Variants in ERICH6 observed in about 807,000 individuals in gnomAD.
The protein encoded by ERICH6 is glutamate-rich protein 6.
ERICH6 carries 71 observed loss-of-function variants against 71.0 expected under a neutral mutation model. That is an observed-to-expected ratio of 1.00 (90% CI 0.83 to 1.22). The LOEUF (loss-of-function observed/expected upper bound fraction) is 1.22. Ranked by LOEUF, ERICH6 falls within the 50% of genes most tolerant of loss-of-function variation. The pLI, the probability that ERICH6 is intolerant of heterozygous loss-of-function variation, is 0.00. For missense variants in ERICH6, 808 were observed against 797.2 expected, an observed-to-expected ratio of 1.01 and a Z score of -0.16; for synonymous variants, 262 against 278.4, an observed-to-expected ratio of 0.94 and a Z score of 0.59.
Position 150,680,884 on chromosome 3 carries a change from T to A in ERICH6, c.929A>T (p.Glu310Val), listed in dbSNP as rs776085189. The A allele has an allele frequency of 6.2e-7, 1 of 1,613,518 alleles. No individual in the cohort carries two copies. Among genetic ancestry groups the A allele is most frequent in the South Asian group, 1.1e-5 (1 of 91,022 alleles). ...AFQNLIDYIY[E>V]EQIKTKPPKA... ...AGGGGGTTTGGTTTTTATTTGCTCC[T>A]CATAGATATAGTCAATCAGATTTTG... The change falls in exon 8 of 14, where the codon GAG becomes GTG. Residue 310 changes from glutamate to valine, a missense_variant. Glu to Val is a moderately radical substitution (Grantham distance 121). Coordinates refer to ENST00000295910, the MANE Select transcript of ERICH6 (RefSeq NM_152394.5).
In ERICH6 at chr3:150,685,972, C is replaced by A; in HGVS notation, c.660G>T (p.Glu220Asp). The A allele has an allele frequency of 6.2e-7, 1 of 1,604,516 alleles. No individual in the cohort carries two copies. The highest frequency in any genetic ancestry group is 8.5e-7 in the Non-Finnish European group (1 of 1,171,216). ...TATGATAAACATTTCTTACCTCCAGCTCATATAAAATATTTAGTTTCGACT... is the reference window on the plus strand; with the variant it reads ...TATGATAAACATTTCTTACCTCCAGATCATATAAAATATTTAGTTTCGACT... ...PEESKLNILY[E>D]LEFKEDFITL... Residue 220 changes from glutamate (E) to aspartate (D), a missense_variant, in exon 5 of 14, where the codon GAG (glutamate) becomes GAT (aspartate). Around this residue, in one of 3 missense-constraint regions of ERICH6, gnomAD observed 736 missense variants for 712.2 expected, o/e 1.03. Transcript: ENST00000295910.
chr3:150,694,191 C>T (rs1232431450), intron 3 of ERICH6, among the ~76,000 whole-genome samples: 1 of 152,002 alleles, frequency 6.6e-6, no homozygotes, highest in African/African-American at 2.4e-5. Flanking sequence ...TCAGAAACAA[C>T]CTGAGACCAG....
chr3:150,689,727 G>A (rs1322997043), intron 3 of ERICH6, among the ~76,000 whole-genome samples: 2 of 151,918 alleles, frequency 1.3e-5, no homozygotes, highest in African/African-American at 4.8e-5. Flanking sequence ...TACTTCTGCT[G>A]TCTCTCCTTT....
At chr3:150,674,919 G>A (rs1415378295) in intron 10 of ERICH6, among the ~76,000 whole-genome samples, 1 of 151,978 alleles carries the variant, frequency 6.6e-6, no homozygotes, top group Non-Finnish European at 1.5e-5. Flanking sequence ...GATCACCTGA[G>A]GTCAGAAGTT....
At chr3:150,674,237 T>C (rs546815787) in intron 10 of ERICH6, among the ~76,000 whole-genome samples, 196 bp from the exon 11 acceptor site, 1 of 152,150 alleles carries the variant, frequency 6.6e-6, no homozygotes, top group East Asian at 1.9e-4. Context: ...AAGTATAACT[T>C]GATAAAAATC....
chr3:150,691,098 T>A lies in ERICH6; in HGVS notation c.554-4744A>T, dbSNP rs577268362. 3.1e-4 allele frequency among the ~76,000 whole-genome samples: 47 copies of A among 152,314 alleles called. 1 individual carries two copies. The highest frequency in any genetic ancestry group is 1.1e-3 in the African/African-American group (47 of 41,580). On this transcript the variant is annotated intron_variant, in intron 3 of 13. Transcript: ENST00000295910. Reference sequence around the variant, plus strand: ...TAAAAGCAAGATGGAATCAGTTGGGTCAAATCTTTTTCACTGTCTCAGTTA... The same window carrying A: ...TAAAAGCAAGATGGAATCAGTTGGGACAAATCTTTTTCACTGTCTCAGTTA...
At chr3:150,685,032 T>A (rs865919036) in intron 6 of ERICH6, among the ~76,000 whole-genome samples, 16 of 151,984 alleles carry the variant, frequency 1.1e-4, no homozygotes, top group Admixed American at 2.0e-4. Context: ...ATAATTTTTT[T>A]AAAAAAGACA....
intron 6 of ERICH6, among the ~76,000 whole-genome samples, chr3:150,683,405 G>A (rs1318266233): frequency 6.6e-6 from 1 of 152,118 alleles, no homozygotes; most frequent in Admixed American, 6.5e-5. Context: ...ACTTGGTTGT[G>A]AACTTCTCAG....
At chr3:150,688,239 A>G (rs1396199704) in intron 3 of ERICH6, among the ~76,000 whole-genome samples, 1 of 152,230 alleles carries the variant, frequency 6.6e-6, no homozygotes, top group Non-Finnish European at 1.5e-5. Context: ...ATCTTTCTCT[A>G]TAGAAATGCC....
chr3:150,694,313 G>A (rs1179381918), intron 3 of ERICH6, among the ~76,000 whole-genome samples: 1 of 152,042 alleles, frequency 6.6e-6, no homozygotes, highest in Non-Finnish European at 1.5e-5. Context: ...AGAAAAGGGA[G>A]AAGAAATGTG....
rs974714600 is a variant in ERICH6, at chr3:150,673,214, G to A, written c.1343+742C>T. ...TTCCTCTCTCTTTCTTTCTTTCTTG[G>A]TCTTGCTCTGTCATTTAGGCTGGAG... On this transcript the variant is annotated intron_variant, in intron 11 of 13. Transcript: ENST00000295910. 4.3e-5 allele frequency among the ~76,000 whole-genome samples: 6 copies of A among 139,126 alleles called. No individual in the cohort carries two copies. In the Admixed American group the frequency reaches 4.7e-4, roughly 11 times the overall value. The allele number at this position is 139,126 out of a possible 152,430, so 91.3% of individuals were successfully genotyped here.
chr3:150,686,250 T>C (rs1391807007), intron 4 of ERICH6, 48 bp downstream of exon 4: 10 of 1,580,750 alleles, frequency 6.3e-6, no homozygotes, highest in Non-Finnish European at 7.8e-6. Flanking sequence ...TCCCTTCTGG[T>C]AGTTTACCTT....
chr3:150,695,709 A>G (rs1276776797), intron 3 of ERICH6, among the ~76,000 whole-genome samples: 1 of 151,690 alleles, frequency 6.6e-6, no homozygotes, highest in African/African-American at 2.4e-5. Context: ...GGCTACATCA[A>G]TGAAAGACTA....
chr3:150,670,682 G>A (rs1371060763), intron 11 of ERICH6, among the ~76,000 whole-genome samples: 1 of 152,072 alleles, frequency 6.6e-6, no homozygotes, highest in Non-Finnish European at 1.5e-5. Flanking sequence ...TAAGCTACAA[G>A]ATCAATATAC....
chr3:150,669,238 A>T (rs1281424687), intron 12 of ERICH6, 58 bp downstream of exon 12: 8 of 1,519,726 alleles, frequency 5.3e-6, no homozygotes, highest in Non-Finnish European at 6.2e-6. Context: ...AAAAGAAAAA[A>T]CAAAATTTCC....
chr3:150,662,498 T>C (rs965131751), intron 13 of ERICH6, among the ~76,000 whole-genome samples: 1 of 152,162 alleles, frequency 6.6e-6, no homozygotes, highest in Admixed American at 6.5e-5. Flanking sequence ...TGGTTAAATA[T>C]ACATGGAACA....
intron 13 of ERICH6, among the ~76,000 whole-genome samples, chr3:150,665,361 T>C (rs927316939): frequency 2.0e-5 from 3 of 151,758 alleles, no homozygotes; most frequent in African/African-American, 7.3e-5. Context: ...CCTTTAAAAA[T>C]CAATGAAACA....
rs567003115 is a variant in ERICH6 at position 150,668,550 on chromosome 3, T to C, written c.1499+746A>G. On this transcript the variant is annotated intron_variant, in intron 12 of 13. Transcript: ENST00000295910. Reference sequence around the variant, plus strand: ...GGTGGTAATGAATTGACTACTGCTGTGGACGAAAAACACAAATAGCTCGGT... The same window carrying C: ...GGTGGTAATGAATTGACTACTGCTGCGGACGAAAAACACAAATAGCTCGGT... Among the ~76,000 whole-genome samples, 38 of 152,298 alleles carry C rather than the reference T, an allele frequency of 2.5e-4. No individual in the cohort carries two copies. In the South Asian group the frequency reaches 2.7e-3, roughly 11 times the overall value.
intron 10 of ERICH6, among the ~76,000 whole-genome samples, chr3:150,676,591 G>T (rs1349415753): frequency 2.0e-5 from 3 of 152,118 alleles, no homozygotes; most frequent in African/African-American, 7.2e-5. Context: ...AGATAGTTTG[G>T]ATTTACTTCT....
Sources: allele counts gnomAD v4.1 joint callset (sites outside exome capture counted in the v4.1 genomes callset), GRCh38; gene constraint gnomAD v4.1.1; regional missense constraint gnomAD v4.1.1; transcripts MANE v1.5; gene names NCBI Gene and HGNC (gene_info 2026-07-23, HGNC 2026-07-21).